The following PTPRF variants were observed in gnomAD, a reference collection of about 807,000 sequenced individuals.
PTPRF encodes receptor-type tyrosine-protein phosphatase F.
A neutral mutation model predicts 201.8 loss-of-function variants in PTPRF; 59 were observed. That is an observed-to-expected ratio of 0.29 (90% CI 0.24 to 0.36). The LOEUF (loss-of-function observed/expected upper bound fraction) is 0.36, where lower values mean the gene tolerates loss of function less well. Ranked by LOEUF, PTPRF falls within the 10% of genes least tolerant of loss-of-function variation. The probability of loss-of-function intolerance (pLI) is 1.00; values close to 1 mark genes in which losing one functional copy is unlikely to be tolerated. For synonymous variants in PTPRF, 1,088 were observed against 1,089.7 expected, an observed-to-expected ratio of 1.00 and a Z score of 0.03; for missense variants, 2,132 against 2,690.5, an observed-to-expected ratio of 0.79 and a Z score of 4.59.
intron 20 of PTPRF, 93 bp from the exon 21 acceptor site, chr1:43,606,721 C>A: frequency 6.6e-7 from 1 of 1,521,020 alleles, no homozygotes; most frequent in Non-Finnish European, 8.9e-7. Context: ...CCAGGGTAAC[C>A]CAGACCCAGA....
chr1:43,562,528 C>T (rs538682163), intron 5 of PTPRF, among the ~76,000 whole-genome samples: 2 of 151,980 alleles, frequency 1.3e-5, no homozygotes, highest in African/African-American at 4.8e-5. Flanking sequence ...GTCTCAGCCT[C>T]CCGAATAGCT....
At chr1:43,578,549 C>T (rs1647089178) in intron 6 of PTPRF, among the ~76,000 whole-genome samples, 1 of 152,106 alleles carries the variant, frequency 6.6e-6, no homozygotes, top group African/African-American at 2.4e-5. Flanking sequence ...GGGGTACAGT[C>T]CCTGGCAGAG....
chr1:43,619,670 C>T lies in PTPRF; in HGVS notation c.4933-10C>T, dbSNP rs1182358566. 2 of 1,613,596 alleles carry T rather than the reference C, an allele frequency of 1.2e-6. No homozygotes were observed. Among genetic ancestry groups the T allele is most frequent in the Non-Finnish European group, 1.7e-6 (2 of 1,179,752 alleles). Reference sequence around the variant, plus strand: ...GAAGCCTGGCCTGACCAATCCCTGCCTCTCAATAGTTGCTGGCCAGCTCCA... The same window carrying T: ...GAAGCCTGGCCTGACCAATCCCTGCTTCTCAATAGTTGCTGGCCAGCTCCA... On this transcript the variant is annotated splice_polypyrimidine_tract_variant and intron_variant, in intron 28 of 33. Coordinates refer to ENST00000359947, the MANE Select transcript of PTPRF (RefSeq NM_002840.5).
In PTPRF at chr1:43,623,143, G is replaced by A. The variant is rs915462374; in HGVS notation, c.*1140G>A. 1 of 152,768 alleles carries A rather than the reference G, an allele frequency of 6.5e-6. No homozygotes were observed. Among genetic ancestry groups the A allele is most frequent in the Non-Finnish European group, 1.5e-5 (1 of 68,108 alleles). 9.5% of individuals were successfully genotyped at this position (152,768 alleles called of 1,614,324 possible). A position where few individuals can be genotyped will look rare whatever the true frequency, so the allele number is the denominator to read the frequency against. Reference sequence around the variant, plus strand: ...GCACCTCAGGGCCAAGCGGGGGCGTGGCTGGCCTTTCAGGTCCAGGCCAGT... The same window carrying A: ...GCACCTCAGGGCCAAGCGGGGGCGTAGCTGGCCTTTCAGGTCCAGGCCAGT... On this transcript the variant is annotated 3_prime_UTR_variant, in exon 34 of 34. Coordinates refer to ENST00000359947, the MANE Select transcript of PTPRF (RefSeq NM_002840.5).
chr1:43,550,586 T>A (rs1056041152), intron 3 of PTPRF, among the ~76,000 whole-genome samples: 5 of 152,226 alleles, frequency 3.3e-5, no homozygotes, highest in Admixed American at 6.5e-5. Flanking sequence ...GGGACAGGAA[T>A]CCAGACAGGC....
chr1:43,595,421 C>T (rs1445724354), intron 11 of PTPRF, among the ~76,000 whole-genome samples: 1 of 152,040 alleles, frequency 6.6e-6, no homozygotes, highest in Admixed American at 6.6e-5. Context: ...AGTGTTTCAC[C>T]GTGTTAGCCA....
intron 2 of PTPRF, among the ~76,000 whole-genome samples, chr1:43,544,746 C>T (rs986688277): frequency 6.6e-6 from 1 of 152,214 alleles, no homozygotes; most frequent in African/African-American, 2.4e-5. Flanking sequence ...CTCCCTGTAC[C>T]TCCTACTCAG....
intron 6 of PTPRF, among the ~76,000 whole-genome samples, chr1:43,577,500 C>T (rs939392879): frequency 6.6e-6 from 1 of 152,210 alleles, no homozygotes; most frequent in Non-Finnish European, 1.5e-5. Context: ...GGTTCCCAGT[C>T]CCTCCTGCTG....
intron 7 of PTPRF, among the ~76,000 whole-genome samples, chr1:43,586,156 C>A (rs1649088686): frequency 6.6e-6 from 1 of 152,234 alleles, no homozygotes; most frequent in South Asian, 2.1e-4. Context: ...GTGATAGCAT[C>A]TACAGCATGG....
chr1:43,591,713 G>A, intron 9 of PTPRF, 99 bp from the exon 10 acceptor site: 1 of 1,504,632 alleles, frequency 6.6e-7, no homozygotes, highest in Non-Finnish European at 9.0e-7. Context: ...TGTAGGATAA[G>A]GGTGTGAGGT....
At position 43,588,914 on chromosome 1, in the gene PTPRF, G is replaced by A. The variant is rs1250419972; in HGVS notation, c.863G>A (p.Ser288Asn). 1 of 1,612,420 alleles carries A rather than the reference G, an allele frequency of 6.2e-7. No homozygotes were observed. Among genetic ancestry groups the A allele is most frequent in the South Asian group, 1.1e-5 (1 of 90,886 alleles). The stretch of plus-strand genomic sequence containing the variant: ...GTTGGCCGCAACGTCCTGGAGCTCA[G>A]CAATGTCGTACGCTCTGCCAACTAC... ...MPVGRNVLELSNVVRSANYTC... is the reference protein window; with the variant it reads ...MPVGRNVLELNNVVRSANYTC... Residue 288 changes from serine to asparagine, a missense_variant, in exon 8 of 34, where the codon AGC becomes AAC. By Grantham distance (46) the Ser-to-Asn change is conservative (BLOSUM62 1). This residue lies in a region of PTPRF where 297 missense variants were observed against 454.0 expected (regional missense o/e 0.65). Coordinates refer to ENST00000359947, the MANE Select transcript of PTPRF (RefSeq NM_002840.5). The surrounding 1 kb of genome is among the most constrained non-coding windows in gnomAD (Gnocchi z 5.3).
chr1:43,530,520 TG>T (rs1643342050), upstream of PTPRF, among the ~76,000 whole-genome samples: 1 of 152,146 alleles, frequency 6.6e-6, no homozygotes, highest in Non-Finnish European at 1.5e-5. The surrounding 1 kb of genome is among the most constrained non-coding windows in gnomAD (Gnocchi z 4.1). Context: ...TTAAGGGCTT[TG>T]GACTCAATAT....
rs1645142223 is a variant in PTPRF at position 43,553,221 on chromosome 1, C to T, written c.92-271C>T. On this transcript the variant is annotated intron_variant, in intron 3 of 33. Coordinates refer to ENST00000359947, the MANE Select transcript of PTPRF (RefSeq NM_002840.5). This position sits in a 1 kb window ranked among gnomAD's most constrained non-coding sequence, Gnocchi z 4.1. The stretch of plus-strand genomic sequence containing the variant: ...CTGGGTTCAGATCTTAGCTCTACCA[C>T]TTACCAGCTGTGTCATATGGGACAA... Among the ~76,000 whole-genome samples the T allele has an allele frequency of 1.3e-5, 2 of 152,212 alleles. No homozygotes were observed. The highest frequency in any genetic ancestry group is 4.8e-5 in the African/African-American group (2 of 41,434).
At chr1:43,620,402 C>G in intron 30 of PTPRF, 52 bp from the exon 31 acceptor site, 2 of 1,559,752 alleles carry the variant, frequency 1.3e-6, no homozygotes, top group Non-Finnish European at 1.8e-6. Flanking sequence ...GCCTGGCACC[C>G]CTCCCCTATT....
chr1:43,618,467 G>T (rs1285755541), intron 25 of PTPRF, among the ~76,000 whole-genome samples, 163 bp from the exon 26 acceptor site: 1 of 152,156 alleles, frequency 6.6e-6, no homozygotes, highest in African/African-American at 2.4e-5. Flanking sequence ...TTGAGGACCT[G>T]ATGTGGCTTG....
At chr1:43,606,705 C>T in intron 20 of PTPRF, 109 bp from the exon 21 acceptor site, 1 of 1,455,904 alleles carries the variant, frequency 6.9e-7, no homozygotes, top group Middle Eastern at 1.9e-4. Context: ...GTCTGGGAGA[C>T]CAGGCCCAGG....
At chr1:43,589,773 G>GA (rs571877721) in intron 8 of PTPRF, among the ~76,000 whole-genome samples, 20 of 151,110 alleles carry the variant, frequency 1.3e-4, no homozygotes, top group Non-Finnish European at 2.4e-4. Context: ...GAGACAGGAG[G>GA]ATCACTTGAG....
chr1:43,605,090 G>A, intron 17 of PTPRF, 90 bp downstream of exon 17: 8 of 1,574,110 alleles, frequency 5.1e-6, no homozygotes, highest in Non-Finnish European at 6.9e-6. Context: ...GCATCCGGCT[G>A]TGGAGCAGGA....
At chr1:43,613,748 G>A (rs780431775) in intron 23 of PTPRF, 33 bp downstream of exon 23, 29 of 1,582,126 alleles carry the variant, frequency 1.8e-5, no homozygotes, top group African/African-American at 2.7e-5. Context: ...CATGTGCCTG[G>A]CCCAGGCCTA....
Sources: gnomAD v4.1 joint callset for allele counts (sites outside exome capture counted in the v4.1 genomes callset) on GRCh38, gnomAD v4.1.1 for gene constraint, gnomAD v4.1.1 regional missense constraint, Gnocchi (gnomAD v3.1) non-coding constraint, MANE v1.5 for transcripts, NCBI Gene and HGNC (gene_info 2026-07-23, HGNC 2026-07-21) for gene names.